Variants in NNT observed in about 807,000 individuals in gnomAD.
NNT encodes NAD(P) transhydrogenase, mitochondrial.
In NNT, 50 loss-of-function variants were observed where a neutral mutation model predicts 104.8. The ratio of observed to expected loss-of-function variants is 0.48; its 90% CI spans 0.38 to 0.60. NNT has a LOEUF of 0.60. Among genes scored for constraint, NNT ranks in the 20% least tolerant of loss-of-function variants. The pLI is 0.00. For missense variants in NNT, 1,131 were observed against 1,330.7 expected, an observed-to-expected ratio of 0.85 and a Z score of 2.33; for synonymous variants, 461 against 490.4, an observed-to-expected ratio of 0.94 and a Z score of 0.79.
intron 7 of NNT, among the ~76,000 whole-genome samples, chr5:43,628,689 C>A (rs750304581): frequency 2.0e-5 from 3 of 152,110 alleles, no homozygotes; most frequent in African/African-American, 7.2e-5. Flanking sequence ...TGGGTTCAGG[C>A]GATTCTTCTG....
chr5:43,643,394 A>G (rs1751338927), intron 7 of NNT, among the ~76,000 whole-genome samples: 3 of 152,230 alleles, frequency 2.0e-5, no homozygotes, highest in Admixed American at 1.3e-4. Flanking sequence ...TTCATCTTCT[A>G]TGTAAGAATT....
chr5:43,682,663 C>A (rs1415610489), intron 19 of NNT, among the ~76,000 whole-genome samples: 1 of 152,056 alleles, frequency 6.6e-6, no homozygotes, highest in South Asian at 2.1e-4. Flanking sequence ...AGAAACTAGG[C>A]CAGTTAAAAT....
chr5:43,681,841 T>C (rs1741735478), intron 19 of NNT, among the ~76,000 whole-genome samples: 1 of 152,200 alleles, frequency 6.6e-6, no homozygotes, highest in Non-Finnish European at 1.5e-5. Flanking sequence ...CCTCAAAAGT[T>C]TATAGTTATG....
At chr5:43,649,081 G>A in intron 10 of NNT, 66 bp from the exon 11 acceptor site, 1 of 1,531,312 alleles carries the variant, frequency 6.5e-7, no homozygotes, top group East Asian at 2.3e-5. Flanking sequence ...ATTTATGTAT[G>A]TGCTTTTAAT....
chr5:43,673,052 C>G (rs750444272), intron 17 of NNT, among the ~76,000 whole-genome samples: 1 of 152,300 alleles, frequency 6.6e-6, no homozygotes, highest in African/African-American at 2.4e-5. Context: ...TAGCAATGAG[C>G]GAGGCTCTGT....
chr5:43,707,125 A>AG lies in NNT; in HGVS notation c.*2721_*2722insG, dbSNP rs1351834963. 6.6e-6 allele frequency: 1 copy of AG among 152,190 alleles called. No individual in the cohort carries two copies. Among genetic ancestry groups the AG allele is most frequent in the African/African-American group, 2.4e-5 (1 of 41,444 alleles). 9.4% of individuals were successfully genotyped at this position (152,190 alleles called of 1,614,324 possible). ...CCTAGAACTTAAAGTATAATTAAAA[A>AG]AAAAAAGAAAACAGAAGCTATTTAT... On this transcript the variant is annotated 3_prime_UTR_variant, in exon 22 of 22. Transcript: ENST00000344920.
intron 3 of NNT, among the ~76,000 whole-genome samples, chr5:43,615,160 TAAATAAAATAAA>T (rs1237175012): frequency 2.6e-5 from 4 of 151,502 alleles, no homozygotes; most frequent in Non-Finnish European, 5.9e-5. Context: ...CAAAAAAAAA[TAAATAAAATAAA>T]AAATAAAATA....
At chr5:43,603,626 A>G (rs1749047659) in intron 1 of NNT, among the ~76,000 whole-genome samples, 1 of 152,056 alleles carries the variant, frequency 6.6e-6, no homozygotes, top group Admixed American at 6.5e-5. Flanking sequence ...GCAGGTGCAG[A>G]TATTTGCAGC....
chr5:43,653,136 C>T lies in NNT; in HGVS notation c.1982C>T (p.Ala661Val), dbSNP rs374759680. 104 of 1,613,982 alleles carry T rather than the reference C, an allele frequency of 6.4e-5. No individual in the cohort carries two copies. The Middle Eastern group carries it at 8.2e-4, about 13-fold the overall frequency. Residue 661 changes from alanine to valine, a missense_variant, in exon 14 of 22, where the codon GCC becomes GTC. Physicochemically the swap from Ala to Val is moderately conservative, Grantham distance 64. Coordinates refer to ENST00000344920, the MANE Select transcript of NNT (RefSeq NM_182977.3). ...GMIGVAGGLAATLGVLKPGPE... is the reference protein window; with the variant it reads ...GMIGVAGGLAVTLGVLKPGPE... ...ATTGGGGTTGCTGGAGGACTGGCAGCCACCCTCGGAGTCCTAAAACCGGGC... is the reference window on the plus strand; with the variant it reads ...ATTGGGGTTGCTGGAGGACTGGCAGTCACCCTCGGAGTCCTAAAACCGGGC...
chr5:43,615,946 T>C lies in NNT; in HGVS notation c.480T>C (p.Asn160=), dbSNP rs149970771. Residue 160 remains asparagine (N), a synonymous_variant, in exon 4 of 22, where the codon AAT becomes AAC. Transcript: ENST00000344920. Reference sequence around the variant, plus strand: ...TTAGTTTTATTTACCCAGCCCAAAATCCAGAGTTGCTAAATAAACTTTCCC... The same window carrying C: ...TTAGTTTTATTTACCCAGCCCAAAACCCAGAGTTGCTAAATAAACTTTCCC... ...TLISFIYPAQ[N]PELLNKLSQR... 16 of 1,614,134 alleles carry C rather than the reference T, an allele frequency of 9.9e-6. No homozygotes were observed. In the African/African-American group the frequency reaches 2.0e-4, roughly 20 times the overall value.
chr5:43,651,713 T>A, intron 12 of NNT, 26 bp from the exon 13 acceptor site: 1 of 1,613,132 alleles, frequency 6.2e-7, no homozygotes. Context: ...AGGTACTATG[T>A]TTTTTATTTC....
At chr5:43,632,048 T>A (rs974066068) in intron 7 of NNT, among the ~76,000 whole-genome samples, 1 of 151,000 alleles carries the variant, frequency 6.6e-6, no homozygotes, top group Non-Finnish European at 1.5e-5. Context: ...TTTCTAAAGA[T>A]CTTTCCTATC....
intron 17 of NNT, among the ~76,000 whole-genome samples, chr5:43,669,203 A>G (rs1406176300): frequency 1.3e-5 from 2 of 152,082 alleles, no homozygotes; most frequent in East Asian, 3.8e-4. Context: ...GGTTTTCTAG[A>G]TATACAATCA....
intron 18 of NNT, 91 bp downstream of exon 18, chr5:43,675,761 CTTCTT>C: frequency 1.0e-6 from 1 of 979,844 alleles, no homozygotes; most frequent in Non-Finnish European, 1.4e-6. Context: ...AGAATTGAAA[CTTCTT>C]TAGTTTTGAA....
intron 18 of NNT, among the ~76,000 whole-genome samples, chr5:43,676,847 G>A (rs533367091): frequency 7.9e-5 from 12 of 152,234 alleles, no homozygotes; most frequent in East Asian, 1.9e-4. Context: ...GGGAGGCGAC[G>A]ATTTGTTTTT....
chr5:43,648,387 G>T, intron 10 of NNT: 1 of 213,552 alleles, frequency 4.7e-6, no homozygotes, highest in Non-Finnish European at 8.3e-6. Flanking sequence ...ACTTTCTTCT[G>T]TTGCAGAACA....
rs2111570153 is a variant in NNT, at chr5:43,615,892, T to C, written c.426T>C (p.Ala142=). Residue 142 remains alanine, a synonymous_variant, in exon 4 of 22, where the codon GCT becomes GCC. Transcript: ENST00000344920. ...MVNPTLGVHE[A]DLLKTSGTLI... Reference sequence around the variant, plus strand: ...ATCCAACATTAGGTGTTCATGAAGCTGACCTTTTAAAGACATCAGGAACGC... The same window carrying C: ...ATCCAACATTAGGTGTTCATGAAGCCGACCTTTTAAAGACATCAGGAACGC... 2 of 1,614,218 alleles carry C rather than the reference T, an allele frequency of 1.2e-6. No homozygotes were observed. Among genetic ancestry groups the C allele is most frequent in the East Asian group, 4.5e-5 (2 of 44,888 alleles).
At chr5:43,667,415 C>T (rs534328209) in intron 17 of NNT, among the ~76,000 whole-genome samples, 2 of 152,230 alleles carry the variant, frequency 1.3e-5, no homozygotes, top group Admixed American at 6.5e-5. Context: ...TATCCCTCCC[C>T]ACTCCCCCCA....
chr5:43,675,720 A>G, intron 18 of NNT, 50 bp downstream of exon 18: 1 of 1,335,262 alleles, frequency 7.5e-7, no homozygotes, highest in Non-Finnish European at 9.9e-7. Context: ...GTTATAATTG[A>G]TGACATTAAA....
Sources: allele counts gnomAD v4.1 joint callset (sites outside exome capture counted in the v4.1 genomes callset), GRCh38; gene constraint gnomAD v4.1.1; transcripts MANE v1.5; gene names NCBI Gene and HGNC (gene_info 2026-07-23, HGNC 2026-07-21).